The following CORIN variants were observed in gnomAD, a reference collection of about 807,000 sequenced individuals.
The protein encoded by CORIN is atrial natriuretic peptide-converting enzyme.
Under a neutral mutation model 125.3 loss-of-function variants are expected in CORIN, and 117 were observed. The ratio of observed to expected loss-of-function variants is 0.93; its 90% CI spans 0.80 to 1.09. The LOEUF is 1.09. Among genes scored for constraint, CORIN ranks in the 50% least tolerant of loss-of-function variants. The pLI is 0.00. For missense variants in CORIN, 1,253 were observed against 1,306.7 expected (o/e 0.96, Z 0.63); for synonymous variants, 450 against 466.4 (o/e 0.96, Z 0.45).
intron 5 of CORIN, among the ~76,000 whole-genome samples, chr4:47,705,478 TG>T (rs1048065611): frequency 4.4e-4 from 67 of 152,266 alleles, no homozygotes; most frequent in African/African-American, 1.6e-3. Context: ...CTAAAGCAGA[TG>T]GAAAATACTA....
At chr4:47,738,150 A>G (rs1202039492) in intron 5 of CORIN, among the ~76,000 whole-genome samples, 1 of 152,178 alleles carries the variant, frequency 6.6e-6, no homozygotes, top group Non-Finnish European at 1.5e-5. Context: ...CTGAGAATCT[A>G]GAAGATCCCA....
At chr4:47,767,237 G>A (rs145917942) in intron 3 of CORIN, among the ~76,000 whole-genome samples, 351 of 152,020 alleles carry the variant, frequency 2.3e-3, no homozygotes, top group Non-Finnish European at 4.0e-3. Flanking sequence ...GTCAGATAAG[G>A]CAGAGAAGAA....
chr4:47,606,242 C>T (rs919335424), intron 19 of CORIN, among the ~76,000 whole-genome samples: 2 of 152,032 alleles, frequency 1.3e-5, no homozygotes, highest in African/African-American at 4.8e-5. Flanking sequence ...GATAATGTTA[C>T]AGAATAATTT....
At chr4:47,740,994 A>C (rs1038229481) in intron 5 of CORIN, among the ~76,000 whole-genome samples, 1 of 152,020 alleles carries the variant, frequency 6.6e-6, no homozygotes, top group Admixed American at 6.6e-5. Flanking sequence ...AAATCTATTA[A>C]AATCTTAAAA....
chr4:47,741,416 T>C (rs1231141682), intron 5 of CORIN, among the ~76,000 whole-genome samples: 1 of 152,010 alleles, frequency 6.6e-6, no homozygotes, highest in African/African-American at 2.4e-5. Context: ...AGGACAGCTA[T>C]AAACAAAAGA....
chr4:47,829,591 T>A (rs927736754), intron 1 of CORIN, among the ~76,000 whole-genome samples: 2 of 152,202 alleles, frequency 1.3e-5, no homozygotes, highest in Non-Finnish European at 2.9e-5. Context: ...CTTGCAACTG[T>A]CATCTAAAGT....
chr4:47,761,480 TACACACACACAC>T (rs142904418), intron 4 of CORIN, among the ~76,000 whole-genome samples: 1 of 144,410 alleles, frequency 6.9e-6, no homozygotes, highest in African/African-American at 2.5e-5. Flanking sequence ...GAAAATGTGA[TACACACACACAC>T]ACACACACAC....
chr4:47,613,834 G>A (rs1721965257), intron 19 of CORIN, among the ~76,000 whole-genome samples: 1 of 149,330 alleles, frequency 6.7e-6, no homozygotes, highest in African/African-American at 2.5e-5. Flanking sequence ...GGGAGGGATA[G>A]CATTGGGAGA....
At chr4:47,797,403 A>G (rs914765536) in intron 2 of CORIN, among the ~76,000 whole-genome samples, 1 of 151,948 alleles carries the variant, frequency 6.6e-6, no homozygotes, top group African/African-American at 2.4e-5. Context: ...GAAAGAAATT[A>G]GTCTCTGAAA....
chr4:47,714,020 C>T (rs910151471), intron 5 of CORIN, among the ~76,000 whole-genome samples: 6 of 152,074 alleles, frequency 3.9e-5, no homozygotes, highest in Non-Finnish European at 8.8e-5. Context: ...GAGACAGTTG[C>T]TATAGTGGAA....
intron 10 of CORIN, among the ~76,000 whole-genome samples, chr4:47,668,625 G>A (rs1489186383): frequency 2.0e-5 from 3 of 151,992 alleles, no homozygotes; most frequent in East Asian, 1.9e-4. Context: ...CATACCCTCC[G>A]TTTCTTTCTT....
At chr4:47,753,775 T>C (rs1729015856) in intron 4 of CORIN, among the ~76,000 whole-genome samples, 1 of 152,168 alleles carries the variant, frequency 6.6e-6, no homozygotes, top group Admixed American at 6.6e-5. Flanking sequence ...ACTGATTTCA[T>C]ATTGTTCAAA....
At chr4:47,695,633 AG>A (rs1725958960) in intron 5 of CORIN, among the ~76,000 whole-genome samples, 1 of 152,176 alleles carries the variant, frequency 6.6e-6, no homozygotes, top group African/African-American at 2.4e-5. Context: ...CCTTGGTTTT[AG>A]GGTATCATAA....
intron 19 of CORIN, 145 bp from the exon 20 acceptor site, chr4:47,603,813 T>C: frequency 1.1e-6 from 1 of 870,514 alleles, no homozygotes; most frequent in African/African-American, 1.7e-5. Context: ...GTGGCATTTA[T>C]ATAATAGCCT....
chr4:47,597,869 C>CA (rs1721311921), intron 21 of CORIN, among the ~76,000 whole-genome samples: 1 of 152,014 alleles, frequency 6.6e-6, no homozygotes, highest in Non-Finnish European at 1.5e-5. Context: ...CCAGAACAGC[C>CA]AAAAGTCAGC....
intron 1 of CORIN, among the ~76,000 whole-genome samples, chr4:47,832,180 G>T (rs1044113109): frequency 6.6e-6 from 1 of 152,116 alleles, no homozygotes; most frequent in Non-Finnish European, 1.5e-5. Flanking sequence ...AAGCTCATAG[G>T]GAGGGAAAAG....
intron 1 of CORIN, among the ~76,000 whole-genome samples, chr4:47,814,336 T>C (rs1290291063): frequency 6.6e-6 from 1 of 152,164 alleles, no homozygotes; most frequent in African/African-American, 2.4e-5. Flanking sequence ...TGGAACTTTG[T>C]CCTGCACAAT....
At chr4:47,697,108 A>G (rs1402859262) in intron 5 of CORIN, among the ~76,000 whole-genome samples, 1 of 152,148 alleles carries the variant, frequency 6.6e-6, no homozygotes, top group Non-Finnish European at 1.5e-5. Flanking sequence ...ATAAACCACT[A>G]TTGCCCTTAC....
intron 4 of CORIN, among the ~76,000 whole-genome samples, chr4:47,758,479 C>T (rs1577897164): frequency 6.6e-6 from 1 of 152,138 alleles, no homozygotes; most frequent in East Asian, 1.9e-4. Flanking sequence ...AAAAAATAAT[C>T]CCCAAGTTTG....
Sources: allele counts gnomAD v4.1 joint callset (sites outside exome capture counted in the v4.1 genomes callset), GRCh38; gene constraint gnomAD v4.1.1; transcripts MANE v1.5; gene names NCBI Gene and HGNC (gene_info 2026-07-23, HGNC 2026-07-21).